Variants in SLC2A9 observed in about 807,000 individuals in gnomAD.
The protein encoded by SLC2A9 is solute carrier family 2 member 9.
SLC2A9 carries 39 observed loss-of-function variants against 50.6 expected under a neutral mutation model. The observed-to-expected ratio is 0.77, with a 90% CI of 0.60 to 1.01. The LOEUF is 1.01. SLC2A9 is among the 50% of genes least tolerant of loss of function. SLC2A9 has a pLI of 0.00. For synonymous variants in SLC2A9, 324 were observed against 276.9 expected, an observed-to-expected ratio of 1.17 and a Z score of -1.69; for missense variants, 686 against 677.6, an observed-to-expected ratio of 1.01 and a Z score of -0.14.
At chr4:10,023,424 C>A (rs1325789297), upstream of SLC2A9, among the ~76,000 whole-genome samples, 2 of 152,208 alleles carry the variant, frequency 1.3e-5, no homozygotes, top group Non-Finnish European at 2.9e-5. Flanking sequence ...CCTCTCTATA[C>A]CCTCCCTGTT....
At position 9,985,711 on chromosome 4, in the gene SLC2A9, C is replaced by T; in HGVS notation, c.493G>A (p.Glu165Lys). 1 of 1,614,028 alleles carries T rather than the reference C, an allele frequency of 6.2e-7. No homozygotes were observed. Among genetic ancestry groups the T allele is most frequent in the East Asian group, 2.2e-5 (1 of 44,888 alleles). ...ATGAAGCGTCCCACGATGAGCATTT[C>T]AAAGGCTCCTGCCTGGAGCGAGCAG... The part of the protein sequence containing the change: ...MACSLQAGAF[E>K]MLIVGRFIMG... Residue 165 changes from glutamate (E) to lysine (K), a missense_variant, in exon 4 of 12, where the codon GAA (glutamate) becomes AAA (lysine). Glu to Lys is a moderately conservative substitution (Grantham distance 56). Transcript: ENST00000264784.
At chr4:9,994,815 C>T (rs779165894) in intron 3 of SLC2A9, among the ~76,000 whole-genome samples, 5 of 151,912 alleles carry the variant, frequency 3.3e-5, no homozygotes, top group Non-Finnish European at 7.4e-5. Context: ...ATAAATGCCA[C>T]GGTCAGGTAT....
intron 3 of SLC2A9, among the ~76,000 whole-genome samples, chr4:9,992,637 G>C (rs971034965): frequency 2.0e-5 from 3 of 152,216 alleles, no homozygotes; most frequent in Non-Finnish European, 4.4e-5. Context: ...TACCTCCATG[G>C]GAGAGATTGC....
At chr4:10,011,568 C>T (rs755332289) in intron 2 of SLC2A9, among the ~76,000 whole-genome samples, 9 of 152,206 alleles carry the variant, frequency 5.9e-5, no homozygotes, top group Admixed American at 1.3e-4. Flanking sequence ...CAGATTAGCA[C>T]ATTTGCATGC....
intron 2 of SLC2A9, among the ~76,000 whole-genome samples, chr4:10,016,709 A>G (rs550978329): frequency 7.9e-5 from 12 of 152,324 alleles, no homozygotes; most frequent in Non-Finnish European, 1.6e-4. Context: ...AACAGTGAGC[A>G]TATTAAATAA....
chr4:9,937,582 T>A (rs1329300515), intron 6 of SLC2A9, among the ~76,000 whole-genome samples: 1 of 152,118 alleles, frequency 6.6e-6, no homozygotes, highest in East Asian at 1.9e-4. Flanking sequence ...AGGCAGTGCG[T>A]CCCCACCTCC....
At chr4:9,879,896 GA>G (rs1448219258) in intron 10 of SLC2A9, 1 of 985,280 alleles carries the variant, frequency 1.0e-6, no homozygotes, top group East Asian at 1.1e-4. Context: ...TATGCAGCAG[GA>G]AACTGCCTCT....
chr4:9,922,289 A>C (rs1011266254), intron 6 of SLC2A9, among the ~76,000 whole-genome samples: 2 of 149,702 alleles, frequency 1.3e-5, no homozygotes, highest in African/African-American at 4.9e-5. Context: ...GGTCACAGGG[A>C]GGGGAACAAC....
At chr4:9,782,909 G>A (rs765403527) in intron 3 of SLC2A9, 13 of 1,613,850 alleles carry the variant, frequency 8.1e-6, no homozygotes, top group East Asian at 4.5e-5. Context: ...GGAGACCAAG[G>A]TTCTCAAGAC....
chr4:9,905,770 T>C (rs1740550440), intron 8 of SLC2A9, among the ~76,000 whole-genome samples: 1 of 152,076 alleles, frequency 6.6e-6, no homozygotes, highest in Non-Finnish European at 1.5e-5. Context: ...ACAATGGCAG[T>C]CATTGGACTT....
At chr4:9,846,931 T>C (rs1332176521) in intron 10 of SLC2A9, among the ~76,000 whole-genome samples, 1 of 152,216 alleles carries the variant, frequency 6.6e-6, no homozygotes, top group Non-Finnish European at 1.5e-5. Context: ...CCTTTAGATA[T>C]ATTTTCTCTT....
chr4:9,973,318 A>G (rs1754215817), intron 5 of SLC2A9, among the ~76,000 whole-genome samples: 1 of 152,134 alleles, frequency 6.6e-6, no homozygotes, highest in Admixed American at 6.6e-5. Context: ...CTACCAACCA[A>G]TAAAAGCCCT....
chr4:9,989,661 C>A (rs1237265985), intron 3 of SLC2A9, among the ~76,000 whole-genome samples: 1 of 152,072 alleles, frequency 6.6e-6, no homozygotes, highest in Non-Finnish European at 1.5e-5. Context: ...AACAGCACAC[C>A]TTTCCAAATG....
chr4:9,809,867 T>A (rs946655355), intron 3 of SLC2A9, among the ~76,000 whole-genome samples: 4 of 151,494 alleles, frequency 2.6e-5, no homozygotes, highest in African/African-American at 4.8e-5. Context: ...TTTTTTTTTT[T>A]AAATTCATGT....
At chr4:9,867,688 C>T (rs2109459813) in intron 10 of SLC2A9, among the ~76,000 whole-genome samples, 1 of 152,326 alleles carries the variant, frequency 6.6e-6, no homozygotes, top group East Asian at 1.9e-4. Flanking sequence ...GAGGGACTCA[C>T]ACTACCCCCT....
chr4:9,857,242 C>A (rs1173460908), intron 10 of SLC2A9, among the ~76,000 whole-genome samples: 3 of 152,150 alleles, frequency 2.0e-5, no homozygotes, highest in Non-Finnish European at 4.4e-5. Flanking sequence ...GGCCATCGCA[C>A]CCTCAGTCTA....
At chr4:9,980,542 T>C (rs769649954) in intron 5 of SLC2A9, 50 bp downstream of exon 5, 2 of 1,612,810 alleles carry the variant, frequency 1.2e-6, no homozygotes, top group Non-Finnish European at 1.7e-6. Flanking sequence ...CTTCCTGCAG[T>C]GGTAACATGA....
rs765108928 is a variant in SLC2A9, at chr4:9,997,080, T to A, written c.250-139A>T. The A allele has an allele frequency of 2.4e-4, 223 of 947,034 alleles. 1 individual carries two copies. Among genetic ancestry groups the A allele is most frequent in the South Asian group, 1.4e-3 (102 of 70,570 alleles). 58.7% of individuals were successfully genotyped at this position (947,034 alleles called of 1,614,324 possible). On this transcript the variant is annotated intron_variant, in intron 2 of 11. Transcript: ENST00000264784. ...GCTAATTTGTTTGAGCTTTATCTCA[T>A]TGGCCTCTTCTAACAAATTTTGGGA... is the stretch of plus-strand genomic sequence containing the variant.
At chr4:9,839,543 T>C (rs768331072) in intron 10 of SLC2A9, among the ~76,000 whole-genome samples, 2 of 151,994 alleles carry the variant, frequency 1.3e-5, no homozygotes, top group Non-Finnish European at 2.9e-5. Context: ...CATTGCAGCA[T>C]TATTCACAAT....
Sources: allele counts gnomAD v4.1 joint callset (sites outside exome capture counted in the v4.1 genomes callset), GRCh38; gene constraint gnomAD v4.1.1; transcripts MANE v1.5; gene names NCBI Gene and HGNC (gene_info 2026-07-23, HGNC 2026-07-21).